Variants in FGF12 observed in about 807,000 individuals in gnomAD.
The protein encoded by FGF12 is fibroblast growth factor 12B.
A neutral mutation model predicts 23.6 loss-of-function variants in FGF12; 14 were observed. The ratio of observed to expected loss-of-function variants is 0.59; its 90% confidence interval spans 0.39 to 0.93. FGF12 has a LOEUF of 0.93. Among genes scored for constraint, FGF12 ranks in the 40% least tolerant of loss-of-function variants. The pLI, the probability that FGF12 is intolerant of heterozygous loss-of-function variation, is 0.00. For synonymous variants in FGF12, 62 were observed against 77.3 expected (o/e 0.80, Z 1.04); for missense variants, 175 against 217.8 (o/e 0.80, Z 1.24).
chr3:192,466,303 G>A (rs945520164), intron 2 of FGF12, among the ~76,000 whole-genome samples: 11 of 152,140 alleles, frequency 7.2e-5, no homozygotes, highest in African/African-American at 2.4e-4. Context: ...TTCACATGAC[G>A]ATATCTACTA....
At position 192,408,331 on chromosome 3, in the gene FGF12, G is replaced by T. The variant is rs1429603309; in HGVS notation, c.14-47793C>A. On this transcript the variant is annotated intron_variant, in intron 2 of 5. Transcript: ENST00000445105. The surrounding 1 kb of genome is among the most constrained non-coding windows in gnomAD (Gnocchi z 7.3). ...CGGCCAGGGAAAGGGCAGTCGCGGGGAGGCAGTGCTAAAATTTGAGGAGGC... is the reference window on the plus strand; with the variant it reads ...CGGCCAGGGAAAGGGCAGTCGCGGGTAGGCAGTGCTAAAATTTGAGGAGGC... The T allele has an allele frequency of 1.4e-6, 2 of 1,433,972 alleles. No homozygotes were observed. Among genetic ancestry groups the T allele is most frequent in the Admixed American group, 2.9e-5 (1 of 34,822 alleles). 88.8% of individuals were successfully genotyped at this position (1,433,972 alleles called of 1,614,324 possible).
chr3:192,333,011 G>T (rs1346708799), intron 4 of FGF12, among the ~76,000 whole-genome samples: 2 of 152,036 alleles, frequency 1.3e-5, no homozygotes, highest in Non-Finnish European at 2.9e-5. Context: ...ACCCCAATAG[G>T]TTTACAAAGG....
intron 2 of FGF12, among the ~76,000 whole-genome samples, chr3:192,660,289 T>G (rs1336215148): frequency 7.1e-6 from 1 of 141,294 alleles, no homozygotes; most frequent in African/African-American, 2.7e-5. Context: ...ATGTTCTCAC[T>G]CATAGGTGGG....
rs974685213 is a variant in FGF12, at chr3:192,218,974, T to C, written c.229-48318A>G. ...TGTGACCCCTAGCTAGATGTTGCCC[T>C]AGTTGTGTAGCTGGGTTGGCAAACT... On this transcript the variant is annotated intron_variant, in intron 4 of 5. Coordinates refer to ENST00000445105, the MANE Select transcript of FGF12 (RefSeq NM_004113.6). Among the ~76,000 whole-genome samples, 13 of 152,242 alleles carry C rather than the reference T, an allele frequency of 8.5e-5. 1 individual carries two copies. The South Asian group carries it at 2.1e-3, about 24-fold the overall frequency.
chr3:192,174,098 T>C (rs983281444), intron 4 of FGF12, among the ~76,000 whole-genome samples: 3 of 152,332 alleles, frequency 2.0e-5, no homozygotes. Flanking sequence ...CCAAGCTTGA[T>C]TTGGGCAAGC....
At chr3:192,605,144 C>T (rs1207541557) in intron 2 of FGF12, among the ~76,000 whole-genome samples, 2 of 151,942 alleles carry the variant, frequency 1.3e-5, no homozygotes, top group African/African-American at 2.4e-5. Context: ...TTTGGGAGGT[C>T]GAGATAGGCG....
At chr3:192,304,530 A>AT (rs150370893) in intron 4 of FGF12, among the ~76,000 whole-genome samples, 1 of 152,088 alleles carries the variant, frequency 6.6e-6, no homozygotes. Flanking sequence ...AGACCAGGAA[A>AT]TTTTTTTAAA....
At chr3:192,658,853 TAAAA>T (rs1248198149) in intron 2 of FGF12, among the ~76,000 whole-genome samples, 1 of 152,058 alleles carries the variant, frequency 6.6e-6, no homozygotes, top group African/African-American at 2.4e-5. Flanking sequence ...CCATTTGTTC[TAAAA>T]AACAAACAAA....
chr3:192,658,508 C>T (rs374567251), intron 2 of FGF12, among the ~76,000 whole-genome samples: 1 of 152,198 alleles, frequency 6.6e-6, no homozygotes, highest in African/African-American at 2.4e-5. Context: ...AGCAGAGCAA[C>T]GCAGAGTTTG....
intron 4 of FGF12, among the ~76,000 whole-genome samples, chr3:192,315,859 T>C (rs76398020): frequency 0.021 from 3,158 of 152,278 alleles, 103 homozygotes; most frequent in African/African-American, 0.071. Context: ...GGACATGGAC[T>C]AAATGGAGCT....
intron 4 of FGF12, among the ~76,000 whole-genome samples, chr3:192,254,329 T>C (rs1009819713): frequency 2.0e-5 from 3 of 151,912 alleles, no homozygotes; most frequent in African/African-American, 2.4e-5. Context: ...GGTTCATTTA[T>C]GGTGTCAAAA....
At chr3:192,219,556 A>T (rs1368169948) in intron 4 of FGF12, among the ~76,000 whole-genome samples, 1 of 152,192 alleles carries the variant, frequency 6.6e-6, no homozygotes, top group African/African-American at 2.4e-5. Flanking sequence ...GATGATTCTC[A>T]TGTGCCTCAT....
At chr3:192,430,755 G>A (rs1194005758) in intron 2 of FGF12, among the ~76,000 whole-genome samples, 2 of 152,062 alleles carry the variant, frequency 1.3e-5, no homozygotes, top group African/African-American at 4.8e-5. Context: ...AAGGCATTTC[G>A]CCACCATGAA....
At chr3:192,236,450 A>G (rs1719304714) in intron 4 of FGF12, among the ~76,000 whole-genome samples, 1 of 152,096 alleles carries the variant, frequency 6.6e-6, no homozygotes, top group South Asian at 2.1e-4. Flanking sequence ...TAATACTGTC[A>G]CTCGGGTGTT....
chr3:192,571,474 C>A (rs1337171113), intron 2 of FGF12, among the ~76,000 whole-genome samples: 1 of 152,238 alleles, frequency 6.6e-6, no homozygotes. Context: ...GCGAGCAGCG[C>A]GGCATCAACA....
In FGF12 at chr3:192,259,530, A is replaced by T. The variant is rs562883837; in HGVS notation, c.228+75831T>A. On this transcript the variant is annotated intron_variant, in intron 4 of 5. Coordinates refer to ENST00000445105, the MANE Select transcript of FGF12 (RefSeq NM_004113.6). ...CTAAGTGTATGGGCAAAACGCACTA[A>T]GTCTCTGACATGCCATGTATAAATA... 3.3e-5 allele frequency among the ~76,000 whole-genome samples: 5 copies of T among 152,300 alleles called. No homozygotes were observed. The South Asian group carries it at 1.0e-3, about 32-fold the overall frequency.
rs574556492 is a variant in FGF12, at chr3:192,622,274, T to C, written c.13+104907A>G. ...ATGCGGGAACAGAGTCATCCAGGAG[T>C]GCTCCTTTCAACCTCACATGGAGCC... On this transcript the variant is annotated intron_variant, in intron 2 of 5. Coordinates refer to ENST00000445105, the MANE Select transcript of FGF12 (RefSeq NM_004113.6). Among the ~76,000 whole-genome samples, 18 of 151,938 alleles carry C rather than the reference T, an allele frequency of 1.2e-4. No individual in the cohort carries two copies. In the East Asian group the frequency reaches 3.1e-3, roughly 26 times the overall value.
intron 4 of FGF12, among the ~76,000 whole-genome samples, chr3:192,314,933 AATAATTATACTAAGATACTAGGC>A (rs1553796044): frequency 6.6e-6 from 1 of 152,202 alleles, no homozygotes; most frequent in Non-Finnish European, 1.5e-5. Flanking sequence ...AGGTGCCACC[AATAATTATACTAAGATACTAGGC>A]ATAAACTAGA....
At chr3:192,715,649 G>A in intron 2 of FGF12, among the ~76,000 whole-genome samples, 1 of 152,172 alleles carries the variant, frequency 6.6e-6, no homozygotes, top group East Asian at 1.9e-4. Flanking sequence ...AGCCTCTAAT[G>A]CCTAGCCAGA....
Sources: gnomAD v4.1 joint callset for allele counts (sites outside exome capture counted in the v4.1 genomes callset) on GRCh38, gnomAD v4.1.1 for gene constraint, Gnocchi (gnomAD v3.1) non-coding constraint, MANE v1.5 for transcripts, NCBI Gene and HGNC (gene_info 2026-07-23, HGNC 2026-07-21) for gene names.